RBPMS: variants seen among roughly 807,000 people sequenced by gnomAD.
RBPMS encodes the protein RNA binding protein, mRNA processing factor, also known as RNA-binding protein with multiple splicing.
Under a neutral mutation model 26.8 loss-of-function variants are expected in RBPMS, and 7 were observed. That is an observed-to-expected ratio of 0.26 (90% CI 0.15 to 0.49). RBPMS has a LOEUF of 0.49. Among genes scored for constraint, RBPMS ranks in the 20% least tolerant of loss-of-function variants. The pLI is 0.98. For missense variants in RBPMS, 186 were observed against 250.0 expected, an observed-to-expected ratio of 0.74 and a Z score of 1.73; for synonymous variants, 96 against 93.3, an observed-to-expected ratio of 1.03 and a Z score of -0.17.
At chr8:30,440,503 G>T (rs928343314) in intron 1 of RBPMS, among the ~76,000 whole-genome samples, 3 of 152,126 alleles carry the variant, frequency 2.0e-5, no homozygotes, top group African/African-American at 7.2e-5. Context: ...CATCCATGTC[G>T]TAGCGTGTGC....
At chr8:30,541,931 TAGG>T (rs1365955102) in intron 5 of RBPMS, among the ~76,000 whole-genome samples, 2 of 152,230 alleles carry the variant, frequency 1.3e-5, no homozygotes, top group African/African-American at 2.4e-5. Flanking sequence ...ATGTGTGTGT[TAGG>T]AGAGTGCTCA....
intron 1 of RBPMS, among the ~76,000 whole-genome samples, chr8:30,472,693 C>T (rs1055092093): frequency 2.6e-5 from 4 of 152,192 alleles, no homozygotes; most frequent in African/African-American, 9.7e-5. Flanking sequence ...AATGGCATGA[C>T]ATTTTACTGT....
chr8:30,416,707 T>C (rs1212148575), intron 1 of RBPMS, among the ~76,000 whole-genome samples: 2 of 152,120 alleles, frequency 1.3e-5, no homozygotes, highest in Non-Finnish European at 2.9e-5. Context: ...TCTCCTGACC[T>C]CGTGATCCGC....
At chr8:30,502,636 G>A (rs1014216612) in intron 4 of RBPMS, among the ~76,000 whole-genome samples, 11 of 152,136 alleles carry the variant, frequency 7.2e-5, no homozygotes, top group African/African-American at 1.2e-4. Context: ...ATACCTGTAC[G>A]TAACACCCAG....
intron 5 of RBPMS, chr8:30,537,729 A>C (rs1824946740): frequency 2.3e-6 from 1 of 441,358 alleles, no homozygotes; most frequent in Non-Finnish European, 4.6e-6. Context: ...ATAAGGTAAA[A>C]GGGGCTCCTG....
chr8:30,423,947 C>G (rs1292448829), intron 1 of RBPMS, among the ~76,000 whole-genome samples: 4 of 152,084 alleles, frequency 2.6e-5, no homozygotes, highest in Admixed American at 2.6e-4. Flanking sequence ...AAGCCATTCT[C>G]TTGCCTCAGC....
At chr8:30,410,143 TACACACAC>T (rs34489233) in intron 1 of RBPMS, among the ~76,000 whole-genome samples, 3,994 of 132,160 alleles carry the variant, frequency 0.03, 157 homozygotes, top group African/African-American at 0.089. Flanking sequence ...TGACTTAAAA[TACACACAC>T]ACACACACAC....
intron 1 of RBPMS, among the ~76,000 whole-genome samples, chr8:30,469,203 G>A (rs939399041): frequency 1.4e-4 from 22 of 152,310 alleles, no homozygotes; most frequent in African/African-American, 5.3e-4. Flanking sequence ...GATTAGATAT[G>A]CTCTTTATTA....
intron 1 of RBPMS, among the ~76,000 whole-genome samples, chr8:30,459,558 CTA>C (rs1212810699): frequency 2.0e-5 from 3 of 152,138 alleles, no homozygotes; most frequent in African/African-American, 7.2e-5. Flanking sequence ...TCGGTGACCT[CTA>C]TGCTTTTAAC....
intron 1 of RBPMS, among the ~76,000 whole-genome samples, chr8:30,437,173 G>A (rs1020860240): frequency 5.3e-5 from 8 of 151,470 alleles, no homozygotes; most frequent in African/African-American, 1.7e-4. Context: ...CGCCTGCCTC[G>A]GCCTCCCAAA....
chr8:30,424,415 A>G (rs1417212289), intron 1 of RBPMS, among the ~76,000 whole-genome samples: 2 of 152,200 alleles, frequency 1.3e-5, no homozygotes, highest in East Asian at 3.9e-4. Context: ...TAATTATTTG[A>G]AAGGGGATAT....
intron 4 of RBPMS, among the ~76,000 whole-genome samples, chr8:30,483,923 TC>T (rs1354786141): frequency 2.8e-4 from 43 of 152,202 alleles, no homozygotes; most frequent in African/African-American, 9.2e-4. Flanking sequence ...TTTACCAGAA[TC>T]AAATTCCTTT....
chr8:30,438,016 C>T (rs1812661557), intron 1 of RBPMS, among the ~76,000 whole-genome samples: 1 of 152,076 alleles, frequency 6.6e-6, no homozygotes, highest in South Asian at 2.1e-4. Flanking sequence ...ATCTATTTTG[C>T]AAGTTCATCT....
chr8:30,434,211 A>G (rs1390167043), intron 1 of RBPMS, among the ~76,000 whole-genome samples: 1 of 152,170 alleles, frequency 6.6e-6, no homozygotes, highest in Non-Finnish European at 1.5e-5. Context: ...GAGCTACACT[A>G]GATAGTCTCT....
intron 8 of RBPMS, among the ~76,000 whole-genome samples, chr8:30,568,168 C>T (rs575254241): frequency 2.6e-5 from 4 of 152,280 alleles, no homozygotes; most frequent in East Asian, 1.9e-4. Context: ...TAAATGAAAA[C>T]GGAAGCACTC....
intron 7 of RBPMS, among the ~76,000 whole-genome samples, chr8:30,563,178 GA>G (rs72342444): frequency 0.038 from 5,852 of 152,276 alleles, 385 homozygotes; most frequent in African/African-American, 0.13. Context: ...GCCATCAGGA[GA>G]GGGGGGGTCA....
At chr8:30,477,145 C>T (rs1231155782) in intron 2 of RBPMS, among the ~76,000 whole-genome samples, 6 of 152,252 alleles carry the variant, frequency 3.9e-5, no homozygotes, top group South Asian at 4.1e-4. Flanking sequence ...CTCTGCCTCC[C>T]GGGTTCATAC....
At chr8:30,473,779 G>T (rs774556450) in intron 1 of RBPMS, among the ~76,000 whole-genome samples, 5 of 152,070 alleles carry the variant, frequency 3.3e-5, no homozygotes, top group Non-Finnish European at 7.4e-5. Flanking sequence ...AAGGAACAAG[G>T]TCATGTCCTT....
At chr8:30,556,187 C>T (rs1826891512) in intron 6 of RBPMS, 1 of 985,432 alleles carries the variant, frequency 1.0e-6, no homozygotes, top group Non-Finnish European at 1.2e-6. Flanking sequence ...CGCCACCCGC[C>T]ACCACATCCA....
Sources: allele counts gnomAD v4.1 joint callset (sites outside exome capture counted in the v4.1 genomes callset), GRCh38; gene constraint gnomAD v4.1.1; transcripts MANE v1.5; gene names NCBI Gene and HGNC (gene_info 2026-07-23, HGNC 2026-07-21).